The following MKLN1 variants were observed in gnomAD, a reference collection of about 807,000 sequenced individuals.
The protein encoded by MKLN1 is muskelin.
In MKLN1, 18 loss-of-function variants were observed where a neutral mutation model predicts 99.0. The ratio of observed to expected loss-of-function variants is 0.18; its 90% CI spans 0.13 to 0.27. The LOEUF (loss-of-function observed/expected upper bound fraction) is 0.27, where lower values mean the gene tolerates loss of function less well. Among genes scored for constraint, MKLN1 ranks in the 10% least tolerant of loss-of-function variants. The pLI, the probability that MKLN1 is intolerant of heterozygous loss-of-function variation, is 1.00. For synonymous variants in MKLN1, 288 were observed against 293.2 expected (o/e 0.98, Z 0.18); for missense variants, 621 against 875.9 (o/e 0.71, Z 3.67).
At chr7:131,353,347 G>C (rs1019982030) in intron 1 of MKLN1, among the ~76,000 whole-genome samples, 1 of 151,882 alleles carries the variant, frequency 6.6e-6, no homozygotes, top group African/African-American at 2.4e-5. Flanking sequence ...TCCTCTAATG[G>C]CTAGTAATGT....
At chr7:131,232,837 C>A (rs1210405458) in intron 3 of MKLN1, among the ~76,000 whole-genome samples, 1 of 151,592 alleles carries the variant, frequency 6.6e-6, no homozygotes, top group Non-Finnish European at 1.5e-5. Flanking sequence ...CAGAGGGAGA[C>A]CCCATCTCCA....
At chr7:131,231,274 G>A (rs1797240417) in intron 3 of MKLN1, among the ~76,000 whole-genome samples, 1 of 152,096 alleles carries the variant, frequency 6.6e-6, no homozygotes. Context: ...CTTAGGAACT[G>A]AGTCTTAACC....
chr7:131,424,847 G>C (rs1795312012), intron 8 of MKLN1, among the ~76,000 whole-genome samples: 1 of 152,264 alleles, frequency 6.6e-6, no homozygotes, highest in South Asian at 2.1e-4. Context: ...TGCAAGTTCA[G>C]ATGTTACCTT....
At chr7:131,292,892 T>A (rs776922018) in intron 3 of MKLN1, among the ~76,000 whole-genome samples, 2 of 152,212 alleles carry the variant, frequency 1.3e-5, no homozygotes, top group Non-Finnish European at 2.9e-5. Context: ...TACCACTTAA[T>A]CAAGTTTCAA....
At chr7:131,127,241 C>T (rs1421194967) in intron 1 of MKLN1, among the ~76,000 whole-genome samples, 9 of 151,912 alleles carry the variant, frequency 5.9e-5, no homozygotes, top group Non-Finnish European at 1.2e-4. Context: ...TGGTATCAAC[C>T]ACACTCAGCA....
chr7:131,291,767 TA>T (rs36040156), intron 3 of MKLN1, among the ~76,000 whole-genome samples: 10 of 130,854 alleles, frequency 7.6e-5, no homozygotes, highest in Non-Finnish European at 9.4e-5. Flanking sequence ...GTAGTCACAT[TA>T]AAAAAAAAAA....
chr7:131,133,819 GGTTTTTTT>G (rs1795603334), intron 1 of MKLN1, among the ~76,000 whole-genome samples: 9 of 67,240 alleles, frequency 1.3e-4, no homozygotes, highest in African/African-American at 3.1e-4. Flanking sequence ...TTTTTAATTT[GGTTTTTTT>G]TTTTTTTTTT....
chr7:131,143,183 C>G (rs563077902), intron 2 of MKLN1, among the ~76,000 whole-genome samples: 8 of 151,942 alleles, frequency 5.3e-5, no homozygotes, highest in African/African-American at 1.9e-4. Context: ...TATTTAAATT[C>G]TTTGGCTGGG....
chr7:131,256,395 G>T (rs1797658328), intron 3 of MKLN1, among the ~76,000 whole-genome samples: 1 of 152,150 alleles, frequency 6.6e-6, no homozygotes, highest in African/African-American at 2.4e-5. Context: ...AAAAGGACTA[G>T]TAAATGTAAT....
At chr7:131,200,976 CT>C (rs573675599) in intron 2 of MKLN1, among the ~76,000 whole-genome samples, 152 of 152,254 alleles carry the variant, frequency 1.0e-3, no homozygotes, top group Admixed American at 1.7e-3. Flanking sequence ...AGTTAAAGCC[CT>C]ACTTCCAAAA....
chr7:131,224,617 C>T (rs1797113294), intron 3 of MKLN1, among the ~76,000 whole-genome samples: 1 of 152,082 alleles, frequency 6.6e-6, no homozygotes, highest in Non-Finnish European at 1.5e-5. Context: ...TGGCATGTGC[C>T]TGTAGTGCCA....
At chr7:131,376,120 A>G (rs369905445) in intron 2 of MKLN1, among the ~76,000 whole-genome samples, 13 of 262 alleles carry the variant, frequency 0.05, 1 homozygote, top group African/African-American at 0.19. Flanking sequence ...ATATATATAT[A>G]TATATATATA....
intron 3 of MKLN1, among the ~76,000 whole-genome samples, chr7:131,298,131 C>T (rs989280787): frequency 3.9e-5 from 6 of 151,990 alleles, no homozygotes; most frequent in Non-Finnish European, 4.4e-5. Flanking sequence ...ATTAGCCGGG[C>T]GCGGTGGCAG....
At chr7:131,428,161 T>C (rs1341202190) in intron 8 of MKLN1, among the ~76,000 whole-genome samples, 1 of 151,870 alleles carries the variant, frequency 6.6e-6, no homozygotes, top group African/African-American at 2.4e-5. Flanking sequence ...AGAGACCGTG[T>C]CTCAAAATAA....
chr7:131,229,949 A>T (rs2116472248), intron 3 of MKLN1, among the ~76,000 whole-genome samples: 1 of 152,346 alleles, frequency 6.6e-6, no homozygotes, highest in Admixed American at 6.5e-5. Flanking sequence ...TTGCAGGGCT[A>T]CTTCAAATTA....
Position 131,309,374 on chromosome 7 carries a change from A to C in MKLN1, c.-178-66050A>C, listed in dbSNP as rs1798521460. Among the ~76,000 whole-genome samples the C allele has an allele frequency of 2.0e-5, 3 of 152,190 alleles. No homozygotes were observed. The South Asian group carries it at 6.2e-4, about 31-fold the overall frequency. ...GTAACATAGATTCTAGTTGCCGTGA[A>C]TATACATTCTGAGTAGCAGCAGTTA... On this transcript the variant is annotated intron_variant, in intron 3 of 7. Coordinates refer to the MKLN1 transcript ENST00000416992.
At chr7:131,291,217 G>A (rs76420105) in intron 3 of MKLN1, among the ~76,000 whole-genome samples, 12 of 151,256 alleles carry the variant, frequency 7.9e-5, no homozygotes, top group Admixed American at 5.9e-4. Context: ...TGCAACCTCC[G>A]CCTCCCAGGT....
intron 3 of MKLN1, among the ~76,000 whole-genome samples, chr7:131,304,326 ATGCCACTGCTG>A (rs1420204675): frequency 6.6e-6 from 1 of 152,226 alleles, no homozygotes; most frequent in Non-Finnish European, 1.5e-5. Context: ...AGTTATGATC[ATGCCACTGCTG>A]TACTCCAGTC....
intron 3 of MKLN1, among the ~76,000 whole-genome samples, chr7:131,228,586 A>C (rs1033737224): frequency 6.6e-6 from 1 of 152,214 alleles, no homozygotes; most frequent in Non-Finnish European, 1.5e-5. Flanking sequence ...CTTCATCTAT[A>C]AAATGAAGAC....
Sources: allele counts gnomAD v4.1 joint callset (sites outside exome capture counted in the v4.1 genomes callset), GRCh38; gene constraint gnomAD v4.1.1; transcripts MANE v1.5; gene names NCBI Gene and HGNC (gene_info 2026-07-23, HGNC 2026-07-21).